MGMT: variants seen among roughly 807,000 people sequenced by gnomAD.
MGMT encodes the protein methylated-DNA--protein-cysteine methyltransferase.
MGMT carries 14 observed loss-of-function variants against 15.9 expected under a neutral mutation model. The observed-to-expected ratio is 0.88, with a 90% CI of 0.58 to 1.37. The LOEUF is 1.37. Ranked by LOEUF, MGMT falls within the 40% of genes most tolerant of loss-of-function variation. The probability of loss-of-function intolerance (pLI) is 0.00; values close to 1 mark genes in which losing one functional copy is unlikely to be tolerated. For missense variants in MGMT, 282 were observed against 268.1 expected (o/e 1.05, Z -0.36); for synonymous variants, 130 against 118.2 (o/e 1.10, Z -0.65).
intron 2 of MGMT, among the ~76,000 whole-genome samples, chr10:129,609,627 A>G (rs532204740): frequency 9.2e-5 from 14 of 152,352 alleles, no homozygotes; most frequent in African/African-American, 3.4e-4. Flanking sequence ...AGCACCTGGT[A>G]CATTAGGTTT....
chr10:129,750,573 A>G (rs185326737), intron 3 of MGMT, among the ~76,000 whole-genome samples: 9 of 152,174 alleles, frequency 5.9e-5, no homozygotes, highest in Admixed American at 4.6e-4. Context: ...ACAATACAGT[A>G]TAACAGCTAT....
At chr10:129,766,026 G>A (rs1035564182) in intron 4 of MGMT, among the ~76,000 whole-genome samples, 1 of 152,212 alleles carries the variant, frequency 6.6e-6, no homozygotes, top group African/African-American at 2.4e-5. Flanking sequence ...CCCTCTGGAG[G>A]GAACAGGGAT....
At chr10:129,498,238 T>G (rs777835097) in intron 1 of MGMT, among the ~76,000 whole-genome samples, 12 of 152,244 alleles carry the variant, frequency 7.9e-5, no homozygotes, top group Non-Finnish European at 1.6e-4. Flanking sequence ...GTTAGCTTGG[T>G]CACTGGGTAT....
intron 2 of MGMT, among the ~76,000 whole-genome samples, chr10:129,615,115 C>G (rs1419916574): frequency 1.3e-5 from 2 of 152,142 alleles, no homozygotes; most frequent in African/African-American, 4.8e-5. Flanking sequence ...TCAGCATAAG[C>G]TACATTTTCC....
At position 129,580,660 on chromosome 10, in the gene MGMT, T is replaced by A. The variant is rs113523968; in HGVS notation, c.125+44283T>A. ...TCTCTAACCACTAGCTACAAAAGGA[T>A]GCTGGACAGACATCCTGTACCTAGG... On this transcript the variant is annotated intron_variant, in intron 2 of 4. Transcript: ENST00000651593. Among the ~76,000 whole-genome samples, 375 of 152,292 alleles carry A rather than the reference T, an allele frequency of 2.5e-3. 4 individuals carry two copies. Among genetic ancestry groups the A allele is most frequent in the African/African-American group, 8.6e-3 (356 of 41,568 alleles).
At position 129,657,632 on chromosome 10, in the gene MGMT, AGGAGCT is replaced by A. The variant is rs949369041; in HGVS notation, c.126-50254_126-50249del. On this transcript the variant is annotated intron_variant, in intron 2 of 4. Transcript: ENST00000651593. ...GAAATGGCCTCTGACAGCCTGGAGG[AGGAGCT>A]GGAGCTGGGGGGGGGACAGGCTGGC... 5.7e-5 allele frequency among the ~76,000 whole-genome samples: 8 copies of A among 139,630 alleles called. No homozygotes were observed. The South Asian group carries it at 6.9e-4, about 12-fold the overall frequency. The allele number at this position is 139,630 out of a possible 152,430, so 91.6% of individuals were successfully genotyped here.
intron 2 of MGMT, among the ~76,000 whole-genome samples, chr10:129,661,574 C>T (rs773557007): frequency 1.3e-5 from 2 of 152,024 alleles, no homozygotes; most frequent in African/African-American, 2.4e-5. Context: ...TTGCTTTTTT[C>T]GATTGTTTCT....
intron 2 of MGMT, among the ~76,000 whole-genome samples, chr10:129,653,884 C>T (rs1847493240): frequency 6.6e-6 from 1 of 152,140 alleles, no homozygotes; most frequent in South Asian, 2.1e-4. Context: ...ATGAGGAGGA[C>T]CCTGTGCTGG....
intron 1 of MGMT, among the ~76,000 whole-genome samples, chr10:129,531,029 C>T (rs751560265): frequency 4.6e-5 from 7 of 152,238 alleles, no homozygotes; most frequent in Non-Finnish European, 7.3e-5. Context: ...GCTCTGGGCT[C>T]AGGCTGGGGT....
At chr10:129,541,307 G>T (rs1846040194) in intron 2 of MGMT, among the ~76,000 whole-genome samples, 3 of 152,216 alleles carry the variant, frequency 2.0e-5, no homozygotes, top group Non-Finnish European at 4.4e-5. Context: ...TTTCATAACT[G>T]CCTGACAGTA....
At chr10:129,572,089 T>C (rs1486934913) in intron 2 of MGMT, among the ~76,000 whole-genome samples, 2 of 152,206 alleles carry the variant, frequency 1.3e-5, no homozygotes, top group South Asian at 2.1e-4. Flanking sequence ...GATAAACATA[T>C]GTAAACCATG....
intron 3 of MGMT, among the ~76,000 whole-genome samples, chr10:129,751,731 C>T (rs996524846): frequency 1.3e-5 from 2 of 151,900 alleles, no homozygotes; most frequent in Non-Finnish European, 2.9e-5. Context: ...GTTCAGTATA[C>T]TCTTTTAATT....
intron 3 of MGMT, among the ~76,000 whole-genome samples, chr10:129,728,698 C>T (rs1848461404): frequency 6.6e-6 from 1 of 152,018 alleles, no homozygotes; most frequent in African/African-American, 2.4e-5. Flanking sequence ...GCGTTGCCTC[C>T]CCAGAAGCCT....
chr10:129,679,576 T>C (rs1375193874), intron 2 of MGMT, among the ~76,000 whole-genome samples: 1 of 152,212 alleles, frequency 6.6e-6, no homozygotes, highest in Non-Finnish European at 1.5e-5. Flanking sequence ...TTGAATGAAG[T>C]AATAGGATAT....
At chr10:129,545,674 G>A (rs544326270) in intron 2 of MGMT, among the ~76,000 whole-genome samples, 3 of 152,128 alleles carry the variant, frequency 2.0e-5, no homozygotes, top group South Asian at 2.1e-4. Context: ...TGGCCTCTAC[G>A]ACCACCAACA....
At chr10:129,594,087 C>T (rs1264903972) in intron 2 of MGMT, among the ~76,000 whole-genome samples, 1 of 152,154 alleles carries the variant, frequency 6.6e-6, no homozygotes, top group Non-Finnish European at 1.5e-5. Context: ...AAGAATTCAC[C>T]TCTGAGTGAT....
chr10:129,495,427 A>G (rs755069645), intron 1 of MGMT, among the ~76,000 whole-genome samples: 3 of 152,236 alleles, frequency 2.0e-5, no homozygotes, highest in Admixed American at 1.3e-4. Context: ...AGTGCTTATT[A>G]CAGTCGGTGC....
Position 129,566,520 on chromosome 10 carries a change from A to G in MGMT, c.125+30143A>G, listed in dbSNP as rs1846356068. On this transcript the variant is annotated intron_variant, in intron 2 of 4. Coordinates refer to ENST00000651593, the MANE Select transcript of MGMT (RefSeq NM_002412.5). This position sits in a 1 kb window ranked among gnomAD's most constrained non-coding sequence, Gnocchi z 4.1. ...ATTGTCCTCTCCCACTTCCTCCCCG[A>G]GCTTCCCATTCCGTGTCTCTCTGGA... Among the ~76,000 whole-genome samples the G allele has an allele frequency of 6.6e-6, 1 of 151,830 alleles. No homozygotes were observed. Among genetic ancestry groups the G allele is most frequent in the South Asian group, 2.1e-4 (1 of 4,802 alleles).
intron 2 of MGMT, among the ~76,000 whole-genome samples, chr10:129,585,489 A>G (rs764443221): frequency 6.6e-6 from 1 of 152,198 alleles, no homozygotes; most frequent in Non-Finnish European, 1.5e-5. Flanking sequence ...CTCCTCTCGG[A>G]TACTAACATC....
Sources: allele counts gnomAD v4.1 joint callset (sites outside exome capture counted in the v4.1 genomes callset), GRCh38; gene constraint gnomAD v4.1.1; non-coding constraint Gnocchi (gnomAD v3.1); transcripts MANE v1.5; gene names NCBI Gene and HGNC (gene_info 2026-07-23, HGNC 2026-07-21).